Variants in CADPS observed in about 807,000 individuals in gnomAD.
CADPS encodes the protein calcium dependent secretion activator.
A neutral mutation model predicts 167.3 loss-of-function variants in CADPS; 57 were observed. The ratio of observed to expected loss-of-function variants is 0.34; its 90% CI spans 0.28 to 0.42. The LOEUF (loss-of-function observed/expected upper bound fraction) is 0.42, where lower values mean the gene tolerates loss of function less well. CADPS is among the 20% of genes least tolerant of loss of function. The pLI, the probability that CADPS is intolerant of heterozygous loss-of-function variation, is 1.00. For synonymous variants in CADPS, 676 were observed against 635.3 expected, an observed-to-expected ratio of 1.06 and a Z score of -0.96; for missense variants, 1,414 against 1,738.1, an observed-to-expected ratio of 0.81 and a Z score of 3.32.
intron 6 of CADPS, among the ~76,000 whole-genome samples, chr3:62,617,086 G>A (rs2062433936): frequency 6.6e-6 from 1 of 152,182 alleles, no homozygotes; most frequent in Admixed American, 6.5e-5. Flanking sequence ...TTGGAGTGCT[G>A]CAAAGATGTC....
intron 17 of CADPS, 67 bp downstream of exon 17, chr3:62,512,684 A>T: frequency 7.4e-7 from 1 of 1,350,690 alleles, no homozygotes; most frequent in Non-Finnish European, 1.0e-6. Context: ...CCATTGAAAA[A>T]CAAAAACAAA....
At chr3:62,865,596 T>C (rs1179786097) in intron 1 of CADPS, among the ~76,000 whole-genome samples, 1 of 152,084 alleles carries the variant, frequency 6.6e-6, no homozygotes, top group African/African-American at 2.4e-5. Context: ...GATAATTCAA[T>C]TTATTTTCAA....
chr3:62,823,605 A>G (rs1284396028), intron 1 of CADPS, among the ~76,000 whole-genome samples: 1 of 152,204 alleles, frequency 6.6e-6, no homozygotes, highest in Non-Finnish European at 1.5e-5. Flanking sequence ...GGATTAAAAT[A>G]CACAGCTGTA....
rs1003921678 is a variant in CADPS, at chr3:62,753,827, C to G, written c.556-54G>C. On this transcript the variant is annotated intron_variant, in intron 2 of 29. Transcript: ENST00000383710. The surrounding 1 kb of genome is among the most constrained non-coding windows in gnomAD (Gnocchi z 4.6). ...GTAGGAGAGTTTACCACAGAGGTACCAGTTCCCTGGGGCTGGACACTGGGC... is the reference window on the plus strand; with the variant it reads ...GTAGGAGAGTTTACCACAGAGGTACGAGTTCCCTGGGGCTGGACACTGGGC... 12 of 1,520,596 alleles carry G rather than the reference C, an allele frequency of 7.9e-6. No homozygotes were observed. In the Admixed American group the frequency reaches 1.5e-4, roughly 19 times the overall value. 94.2% of individuals were successfully genotyped at this position (1,520,596 alleles called of 1,614,324 possible).
chr3:62,719,686 T>C (rs1033586066), intron 3 of CADPS, among the ~76,000 whole-genome samples: 1 of 152,178 alleles, frequency 6.6e-6, no homozygotes, highest in Non-Finnish European at 1.5e-5. Context: ...AAAATATACA[T>C]CCTGAAAAAT....
At chr3:62,603,121 G>C (rs894344137) in intron 6 of CADPS, among the ~76,000 whole-genome samples, 4 of 152,090 alleles carry the variant, frequency 2.6e-5, no homozygotes, top group African/African-American at 9.7e-5. Flanking sequence ...TTTGTCTCTG[G>C]CCAGAATGTA....
intron 4 of CADPS, among the ~76,000 whole-genome samples, chr3:62,657,807 C>G (rs1361720764): frequency 6.6e-6 from 1 of 152,066 alleles, no homozygotes; most frequent in Non-Finnish European, 1.5e-5. Context: ...TGCCTCCCTT[C>G]CCTCCTAGGA....
chr3:62,430,100 T>A (rs184790121), intron 28 of CADPS, among the ~76,000 whole-genome samples: 5 of 152,310 alleles, frequency 3.3e-5, no homozygotes, highest in African/African-American at 1.2e-4. Context: ...AACCCCTCAG[T>A]TTCTTTTGGA....
intron 21 of CADPS, among the ~76,000 whole-genome samples, chr3:62,487,903 T>C (rs2063079703): frequency 6.6e-6 from 1 of 152,248 alleles, no homozygotes; most frequent in Non-Finnish European, 1.5e-5. Context: ...TCTTGTCAGA[T>C]TGCTATTTTT....
intron 28 of CADPS, among the ~76,000 whole-genome samples, chr3:62,409,860 C>T (rs1371583841): frequency 2.0e-5 from 3 of 152,142 alleles, no homozygotes; most frequent in African/African-American, 4.8e-5. Flanking sequence ...AAAACTGTCT[C>T]ATGTGAAATT....
intron 7 of CADPS, among the ~76,000 whole-genome samples, chr3:62,586,715 A>G (rs1231832): frequency 0.88 from 134,369 of 152,286 alleles, 59,595 homozygotes; most frequent in Middle Eastern, 0.97. Flanking sequence ...GAGGCTGTCA[A>G]TGTTTTTTGA....
chr3:62,466,926 T>A (rs937226300), intron 24 of CADPS, among the ~76,000 whole-genome samples: 1 of 152,198 alleles, frequency 6.6e-6, no homozygotes, highest in Non-Finnish European at 1.5e-5. Context: ...TCATTTTGTC[T>A]CCAAGTCTTG....
intron 6 of CADPS, among the ~76,000 whole-genome samples, chr3:62,594,165 A>ATTTTTTTTATTTTT (rs1268819413): frequency 9.8e-6 from 1 of 102,032 alleles, no homozygotes; most frequent in Non-Finnish European, 2.4e-5. Flanking sequence ...TTTTTTATTT[A>ATTTTTTTTATTTTT]TTTATTTATT....
intron 26 of CADPS, among the ~76,000 whole-genome samples, chr3:62,454,960 A>G (rs1000574092): frequency 2.6e-4 from 40 of 151,954 alleles, no homozygotes; most frequent in African/African-American, 9.4e-4. Flanking sequence ...ACTGCTGGGG[A>G]GTTGGGCAAG....
intron 3 of CADPS, among the ~76,000 whole-genome samples, chr3:62,727,623 C>T (rs1347601125): frequency 6.6e-6 from 1 of 151,758 alleles, no homozygotes; most frequent in Non-Finnish European, 1.5e-5. Flanking sequence ...AGGGCTTTTC[C>T]TCATTTAGAG....
At chr3:62,716,818 G>C (rs1242729712) in intron 3 of CADPS, among the ~76,000 whole-genome samples, 3 of 152,180 alleles carry the variant, frequency 2.0e-5, no homozygotes, top group Admixed American at 6.5e-5. Context: ...GACATCACAA[G>C]ATCTTGAAAA....
chr3:62,530,874 A>G (rs2073499719), intron 13 of CADPS: 1 of 921,438 alleles, frequency 1.1e-6, no homozygotes, highest in African/African-American at 1.8e-5. Context: ...AGGAGAATCA[A>G]GAGCACACGC....
chr3:62,507,608 A>G (rs958369837), intron 17 of CADPS, among the ~76,000 whole-genome samples: 4 of 152,146 alleles, frequency 2.6e-5, no homozygotes, highest in African/African-American at 9.7e-5. Flanking sequence ...CTCTCAAAGT[A>G]CCATCCCTGG....
chr3:62,571,938 G>A (rs988079308), intron 8 of CADPS, among the ~76,000 whole-genome samples: 5 of 152,122 alleles, frequency 3.3e-5, no homozygotes, highest in East Asian at 3.9e-4. Context: ...AACTGGCACC[G>A]ATCTAGGAAT....
Sources: allele counts gnomAD v4.1 joint callset (sites outside exome capture counted in the v4.1 genomes callset), GRCh38; gene constraint gnomAD v4.1.1; non-coding constraint Gnocchi (gnomAD v3.1); transcripts MANE v1.5; gene names NCBI Gene and HGNC (gene_info 2026-07-23, HGNC 2026-07-21).